SORCS1: variants seen among roughly 807,000 people sequenced by gnomAD.
The protein encoded by SORCS1 is sortilin related VPS10 domain containing receptor 1, also known as VPS10 domain-containing receptor SorCS1.
A neutral mutation model predicts 146.1 loss-of-function variants in SORCS1; 60 were observed. The ratio of observed to expected loss-of-function variants is 0.41; its 90% confidence interval spans 0.33 to 0.51. SORCS1 has a LOEUF of 0.51. SORCS1 is among the 20% of genes least tolerant of loss of function. The probability of loss-of-function intolerance (pLI) is 0.21; values close to 1 mark genes in which losing one functional copy is unlikely to be tolerated. For missense variants in SORCS1, 1,352 were observed against 1,487.6 expected (o/e 0.91, Z 1.50); for synonymous variants, 637 against 584.0 (o/e 1.09, Z -1.31).
intron 1 of SORCS1, among the ~76,000 whole-genome samples, chr10:107,005,841 TTGTTGACACCTAACTA>T (rs1232647728): frequency 1.3e-5 from 2 of 152,238 alleles, no homozygotes; most frequent in African/African-American, 4.8e-5. Context: ...TTTTATTCGT[TTGTTGACACCTAACTA>T]TAACTATCCA....
At chr10:106,952,997 C>A (rs923904607) in intron 2 of SORCS1, among the ~76,000 whole-genome samples, 52 of 151,778 alleles carry the variant, frequency 3.4e-4, no homozygotes, top group African/African-American at 9.7e-4. Context: ...ACTACTACTA[C>A]TACTAATAAT....
At chr10:106,770,247 T>C (rs2136318216) in intron 4 of SORCS1, among the ~76,000 whole-genome samples, 1 of 152,286 alleles carries the variant, frequency 6.6e-6, no homozygotes, top group East Asian at 1.9e-4. Flanking sequence ...GGATTTTCTG[T>C]TTATTTCATA....
chr10:106,971,046 G>C (rs555493625), intron 1 of SORCS1, among the ~76,000 whole-genome samples: 1 of 151,324 alleles, frequency 6.6e-6, no homozygotes. Flanking sequence ...CACCATGACC[G>C]GCCTGCTTCC....
chr10:106,803,565 C>T lies in SORCS1; in HGVS notation c.726+26009G>A, dbSNP rs1287306242. On this transcript the variant is annotated intron_variant, in intron 3 of 25. Coordinates refer to ENST00000263054, the MANE Select transcript of SORCS1 (RefSeq NM_052918.5). ...GTCAGATTCCAATCTGTTCTGGGTA[C>T]TGGTCATACTCAGTATCTTCTCTCC... 6.6e-5 allele frequency among the ~76,000 whole-genome samples: 10 copies of T among 152,270 alleles called. 1 individual carries two copies. The East Asian group carries it at 1.2e-3, about 18-fold the overall frequency.
chr10:106,624,471 C>T (rs545061146), intron 19 of SORCS1, among the ~76,000 whole-genome samples: 3 of 149,532 alleles, frequency 2.0e-5, no homozygotes, highest in East Asian at 2.0e-4. Context: ...AGTGATACCC[C>T]TGCTTCATCC....
intron 3 of SORCS1, among the ~76,000 whole-genome samples, chr10:106,778,074 C>A (rs1889963): frequency 0.24 from 36,434 of 151,940 alleles, 4,727 homozygotes; most frequent in Non-Finnish European, 0.29. Flanking sequence ...CATTTGGAGG[C>A]AATCATATTA....
chr10:107,104,919 A>G (rs983172607), intron 1 of SORCS1, among the ~76,000 whole-genome samples: 3 of 152,248 alleles, frequency 2.0e-5, no homozygotes, highest in African/African-American at 4.8e-5. Flanking sequence ...GATCTGGAAG[A>G]ACTGAACTAG....
chr10:106,796,198 C>T (rs1437663185), intron 3 of SORCS1, among the ~76,000 whole-genome samples: 1 of 152,112 alleles, frequency 6.6e-6, no homozygotes, highest in Non-Finnish European at 1.5e-5. Flanking sequence ...AAAATGTCTG[C>T]ACTGCTTCTT....
intron 1 of SORCS1, among the ~76,000 whole-genome samples, chr10:106,982,888 T>G (rs1004618366): frequency 6.6e-6 from 1 of 152,104 alleles, no homozygotes; most frequent in Non-Finnish European, 1.5e-5. Context: ...ACCTGATTAG[T>G]CCTGAAGGCA....
At chr10:106,912,692 G>A (rs1398487134) in intron 2 of SORCS1, among the ~76,000 whole-genome samples, 1 of 152,010 alleles carries the variant, frequency 6.6e-6, no homozygotes, top group African/African-American at 2.4e-5. Context: ...GTTTTGTTTT[G>A]TTTTTTAATG....
intron 2 of SORCS1, among the ~76,000 whole-genome samples, chr10:106,840,887 TGCTCTGTCGCCAG>T (rs1949005006): frequency 1.3e-5 from 2 of 148,510 alleles, no homozygotes; most frequent in South Asian, 4.3e-4. Flanking sequence ...GATGGAGTCT[TGCTCTGTCGCCAG>T]GCTGGAGTGC....
chr10:106,731,655 T>C (rs1856608586), intron 5 of SORCS1, among the ~76,000 whole-genome samples: 1 of 152,188 alleles, frequency 6.6e-6, no homozygotes, highest in South Asian at 2.1e-4. Context: ...TCAGAGTTTG[T>C]TATAAAGAAT....
chr10:107,005,354 T>G (rs1957397200), intron 1 of SORCS1, among the ~76,000 whole-genome samples: 1 of 149,346 alleles, frequency 6.7e-6, no homozygotes, highest in Non-Finnish European at 1.5e-5. Context: ...GGGATGGGGG[T>G]GGAGAAAAAG....
chr10:106,916,547 C>A (rs940393666), intron 2 of SORCS1, among the ~76,000 whole-genome samples: 1 of 143,270 alleles, frequency 7.0e-6, no homozygotes, highest in African/African-American at 2.6e-5. Flanking sequence ...TCTATGCACA[C>A]GATGATATAT....
chr10:106,645,870 A>G (rs1849391735), intron 18 of SORCS1, among the ~76,000 whole-genome samples: 1 of 152,148 alleles, frequency 6.6e-6, no homozygotes, highest in Admixed American at 6.5e-5. Flanking sequence ...AAAACGTATT[A>G]TTATAGATAC....
At chr10:106,597,295 A>G (rs1589438021) in intron 24 of SORCS1, 56 bp downstream of exon 24, 4 of 1,388,826 alleles carry the variant, frequency 2.9e-6, no homozygotes, top group Middle Eastern at 1.8e-4. Context: ...GGAAGCACGG[A>G]CTAGGATTCC....
At chr10:106,861,005 A>G in intron 2 of SORCS1, among the ~76,000 whole-genome samples, 1 of 152,224 alleles carries the variant, frequency 6.6e-6, no homozygotes, top group East Asian at 1.9e-4. Flanking sequence ...CCCTTGTTAG[A>G]AAATGAATTG....
chr10:106,950,019 C>A (rs542788738), intron 2 of SORCS1, among the ~76,000 whole-genome samples: 1 of 152,306 alleles, frequency 6.6e-6, no homozygotes, highest in African/African-American at 2.4e-5. Context: ...TCTATCTCAA[C>A]CTTTAAGCTT....
Position 106,619,397 on chromosome 10 carries a change from C to T in SORCS1, c.2796+1031G>A, listed in dbSNP as rs1847590310. ...CCTGGGCCTGTGCAAAATTATATCT[C>T]CAGCTAAAGCCAAGTTTCAGCTCCA... On this transcript the variant is annotated intron_variant, in intron 20 of 25. Transcript: ENST00000263054. Among the ~76,000 whole-genome samples, 7 of 152,272 alleles carry T rather than the reference C, an allele frequency of 4.6e-5. No individual in the cohort carries two copies. In the South Asian group the frequency reaches 1.5e-3, roughly 32 times the overall value.
Sources: allele counts gnomAD v4.1 joint callset (sites outside exome capture counted in the v4.1 genomes callset), GRCh38; gene constraint gnomAD v4.1.1; transcripts MANE v1.5; gene names NCBI Gene and HGNC (gene_info 2026-07-23, HGNC 2026-07-21).